The following GALNT17 variants were observed in gnomAD, a reference collection of about 807,000 sequenced individuals.
The protein encoded by GALNT17 is UDP-GalNAc:polypeptide N-acetylgalactosaminyltransferase-like 3.
A neutral mutation model predicts 63.7 loss-of-function variants in GALNT17; 29 were observed. The observed-to-expected ratio is 0.46, with a 90% CI of 0.34 to 0.62. The LOEUF is 0.62. Ranked by LOEUF, GALNT17 falls within the 20% of genes least tolerant of loss-of-function variation. The probability of loss-of-function intolerance (pLI) is 0.01; values close to 1 mark genes in which losing one functional copy is unlikely to be tolerated. For synonymous variants in GALNT17, 305 were observed against 318.3 expected, an observed-to-expected ratio of 0.96 and a Z score of 0.45; for missense variants, 603 against 799.6, an observed-to-expected ratio of 0.75 and a Z score of 2.97.
chr7:71,331,661 G>A (rs57442026), intron 1 of GALNT17, among the ~76,000 whole-genome samples: 39,551 of 151,952 alleles, frequency 0.26, 5,686 homozygotes, highest in East Asian at 0.48. Flanking sequence ...CAGTGAATGC[G>A]CTGTGATTAT....
intron 5 of GALNT17, among the ~76,000 whole-genome samples, chr7:71,488,093 C>G (rs1012001960): frequency 6.6e-6 from 1 of 151,494 alleles, no homozygotes; most frequent in Non-Finnish European, 1.5e-5. Flanking sequence ...TCGCTTGAGT[C>G]CAGATTCCAA....
chr7:71,698,361 A>T (rs1342249319), intron 9 of GALNT17, among the ~76,000 whole-genome samples: 1 of 152,220 alleles, frequency 6.6e-6, no homozygotes. Context: ...TTATAAACAC[A>T]TAAATCTATG....
intron 2 of GALNT17, among the ~76,000 whole-genome samples, chr7:71,364,889 C>T (rs1453911963): frequency 6.6e-6 from 1 of 152,042 alleles, no homozygotes; most frequent in Non-Finnish European, 1.5e-5. Context: ...TATCTTTCCC[C>T]TGCATTCCCA....
chr7:71,199,934 A>T (rs1026365405), intron 1 of GALNT17, among the ~76,000 whole-genome samples: 1 of 152,226 alleles, frequency 6.6e-6, no homozygotes, highest in African/African-American at 2.4e-5. Flanking sequence ...TCTTCCTTAC[A>T]GAAAAGTGTG....
chr7:71,244,746 G>A (rs1291321245), intron 1 of GALNT17, among the ~76,000 whole-genome samples: 3 of 152,014 alleles, frequency 2.0e-5, no homozygotes, highest in African/African-American at 4.8e-5. Flanking sequence ...GCCAGGAACT[G>A]GAGACCAGCC....
intron 1 of GALNT17, among the ~76,000 whole-genome samples, chr7:71,183,907 C>T (rs568062636): frequency 6.6e-6 from 1 of 151,810 alleles, no homozygotes; most frequent in Non-Finnish European, 1.5e-5. Context: ...AAAAAATCAA[C>T]ACACAAAGCA....
chr7:71,440,912 G>A (rs530413357), intron 5 of GALNT17, among the ~76,000 whole-genome samples: 1 of 152,074 alleles, frequency 6.6e-6, no homozygotes, highest in African/African-American at 2.4e-5. Flanking sequence ...GGTGTGTTAC[G>A]TTTGAGGCCA....
intron 5 of GALNT17, among the ~76,000 whole-genome samples, chr7:71,454,158 T>C (rs1404615327): frequency 6.6e-6 from 1 of 152,194 alleles, no homozygotes. Flanking sequence ...GAGGTAAACA[T>C]GTGCCATGGT....
chr7:71,706,192 C>G (rs1791720250), intron 9 of GALNT17, among the ~76,000 whole-genome samples: 1 of 152,138 alleles, frequency 6.6e-6, no homozygotes, highest in Non-Finnish European at 1.5e-5. Flanking sequence ...TGCACATGAC[C>G]CAGTATTTTC....
At chr7:71,376,229 C>T (rs1469713020) in intron 2 of GALNT17, among the ~76,000 whole-genome samples, 1 of 151,932 alleles carries the variant, frequency 6.6e-6, no homozygotes, top group Non-Finnish European at 1.5e-5. Context: ...GTTGTCCCCT[C>T]GTTTGACATG....
chr7:71,221,212 G>A (rs1232024360), intron 1 of GALNT17, among the ~76,000 whole-genome samples: 1 of 152,154 alleles, frequency 6.6e-6, no homozygotes, highest in Non-Finnish European at 1.5e-5. Flanking sequence ...GGACTATGGA[G>A]GACTAAGGGG....
intron 5 of GALNT17, among the ~76,000 whole-genome samples, chr7:71,490,752 T>G (rs998110211): frequency 1.3e-5 from 2 of 151,516 alleles, no homozygotes; most frequent in African/African-American, 2.4e-5. Flanking sequence ...ATAAACAAAT[T>G]AGCCAGGCAA....
chr7:71,328,025 C>A (rs904543729), intron 1 of GALNT17, among the ~76,000 whole-genome samples: 1 of 152,098 alleles, frequency 6.6e-6, no homozygotes, highest in Non-Finnish European at 1.5e-5. Flanking sequence ...CTATAGCTGT[C>A]CCTATAGGTC....
chr7:71,663,887 C>T (rs1027640504), intron 6 of GALNT17, among the ~76,000 whole-genome samples: 2 of 152,180 alleles, frequency 1.3e-5, no homozygotes, highest in Non-Finnish European at 2.9e-5. Context: ...GTCAGCTCAC[C>T]TGCAAAAACT....
chr7:71,617,311 G>T (rs569648616), intron 6 of GALNT17, among the ~76,000 whole-genome samples: 15 of 88,962 alleles, frequency 1.7e-4, no homozygotes, highest in East Asian at 1.2e-3. Flanking sequence ...TTGCAGGGGC[G>T]GGGGGGGTTG....
intron 1 of GALNT17, among the ~76,000 whole-genome samples, chr7:71,264,628 G>A (rs142536108): frequency 1.2e-4 from 19 of 152,280 alleles, no homozygotes; most frequent in African/African-American, 4.6e-4. Flanking sequence ...TGTATGCACA[G>A]CAGAGTACCA....
chr7:71,333,611 T>C (rs1426729100), intron 1 of GALNT17, among the ~76,000 whole-genome samples: 1 of 152,108 alleles, frequency 6.6e-6, no homozygotes, highest in South Asian at 2.1e-4. Context: ...GTGGGATTTT[T>C]GCTCATTGCC....
chr7:71,511,950 T>G (rs1442484561), intron 5 of GALNT17, among the ~76,000 whole-genome samples: 2 of 151,744 alleles, frequency 1.3e-5, no homozygotes, highest in Non-Finnish European at 2.9e-5. Context: ...AAGGAATTTT[T>G]CCTTCTATCT....
At chr7:71,204,552 C>T (rs1337413615) in intron 1 of GALNT17, among the ~76,000 whole-genome samples, 2 of 149,700 alleles carry the variant, frequency 1.3e-5, no homozygotes, top group South Asian at 2.1e-4. Context: ...TTTCTCTTCT[C>T]TTCTCTTTTT....
Sources: allele counts gnomAD v4.1 joint callset (sites outside exome capture counted in the v4.1 genomes callset), GRCh38; gene constraint gnomAD v4.1.1; transcripts MANE v1.5; gene names NCBI Gene and HGNC (gene_info 2026-07-23, HGNC 2026-07-21).